Variants in RECK observed in about 807,000 individuals in gnomAD.
RECK encodes the protein reversion inducing cysteine rich protein with kazal motifs, also known as reversion-inducing cysteine-rich protein with Kazal motifs.
Under a neutral mutation model 115.1 loss-of-function variants are expected in RECK, and 69 were observed. That is an observed-to-expected ratio of 0.60 (90% CI 0.49 to 0.73). RECK has a LOEUF of 0.73. Among genes scored for constraint, RECK ranks in the 30% least tolerant of loss-of-function variants. The pLI, the probability that RECK is intolerant of heterozygous loss-of-function variation, is 0.00. For missense variants in RECK, 1,047 were observed against 1,203.7 expected (o/e 0.87, Z 1.93); for synonymous variants, 414 against 419.7 (o/e 0.99, Z 0.17).
At chr9:36,110,801 G>T (rs1342251104) in intron 15 of RECK, among the ~76,000 whole-genome samples, 1 of 151,888 alleles carries the variant, frequency 6.6e-6, no homozygotes, top group Non-Finnish European at 1.5e-5. Flanking sequence ...GTGGAGAGGG[G>T]TGGGGGCCGG....
rs367748916 is a variant in RECK, at chr9:36,066,832, G to A, written c.405+1208G>A. Reference sequence around the variant, plus strand: ...CTGGATTTCTGCATTGCCCTAGGAAGTCTGCCAGTATGTGTTGATGAAGGA... The same window carrying A: ...CTGGATTTCTGCATTGCCCTAGGAAATCTGCCAGTATGTGTTGATGAAGGA... On this transcript the variant is annotated intron_variant, in intron 6 of 20. Coordinates refer to ENST00000377966, the MANE Select transcript of RECK (RefSeq NM_021111.3). The A allele has an allele frequency of 1.2e-5, 16 of 1,289,492 alleles. No homozygotes were observed. The African/African-American group carries it at 2.3e-4, about 18-fold the overall frequency. The allele number at this position is 1,289,492 out of a possible 1,614,324, so 79.9% of individuals were successfully genotyped here.
chr9:36,061,086 A>G (rs895704070), intron 4 of RECK, among the ~76,000 whole-genome samples: 1 of 152,104 alleles, frequency 6.6e-6, no homozygotes, highest in East Asian at 1.9e-4. Flanking sequence ...GTTTCAACAC[A>G]TTATATCTTT....
chr9:36,091,256 T>G lies in RECK; in HGVS notation c.998T>G (p.Val333Gly). The stretch of plus-strand genomic sequence containing the variant: ...TTTTGTGAATATAATCCAGTGGAAG[T>G]GTCCATGTTGACCTGTTTAGCGGAT... ...DRFCEYNPVE[V>G]SMLTCLADVR... The change falls in exon 10 of 21, where the codon GTG (valine) becomes GGG (glycine). Residue 333 changes from valine to glycine, a missense_variant. Transcript: ENST00000377966. The G allele has an allele frequency of 6.2e-7, 1 of 1,613,674 alleles. No homozygotes were observed. Among genetic ancestry groups the G allele is most frequent in the South Asian group, 1.1e-5 (1 of 91,014 alleles).
chr9:36,092,440 C>T lies in RECK; in HGVS notation c.1085+1097C>T, dbSNP rs185772462. ...AGGCTGGAGTATAGTGGCATGATCTCGGCTCACTGCAACCTCCGCCTCCTG... is the reference window on the plus strand; with the variant it reads ...AGGCTGGAGTATAGTGGCATGATCTTGGCTCACTGCAACCTCCGCCTCCTG... On this transcript the variant is annotated intron_variant, in intron 10 of 20. Coordinates refer to ENST00000377966, the MANE Select transcript of RECK (RefSeq NM_021111.3). Among the ~76,000 whole-genome samples, 332 of 151,784 alleles carry T rather than the reference C, an allele frequency of 2.2e-3. 1 individual carries two copies. Among genetic ancestry groups the T allele is most frequent in the Middle Eastern group, 0.014 (4 of 294 alleles).
rs773371088 is a variant in RECK, at chr9:36,102,078, G to GC, written c.1299-15dup. 1 of 1,606,620 alleles carries GC rather than the reference G, an allele frequency of 6.2e-7. No individual in the cohort carries two copies. Among genetic ancestry groups the GC allele is most frequent in the East Asian group, 2.2e-5 (1 of 44,646 alleles). On this transcript the variant is annotated splice_polypyrimidine_tract_variant and intron_variant, in intron 11 of 20. Coordinates refer to ENST00000377966, the MANE Select transcript of RECK (RefSeq NM_021111.3). ...GGTTCCTCAAGCTCTAAACTTACGT[G>GC]CATTTTTTTTTCAAGATCAGATTGT...
chr9:36,058,244 A>G (rs1474598004), intron 2 of RECK, among the ~76,000 whole-genome samples: 1 of 152,060 alleles, frequency 6.6e-6, no homozygotes, highest in African/African-American at 2.4e-5. Context: ...AAAGACTTGG[A>G]ACCAACCCAG....
chr9:36,068,464 T>TG, intron 6 of RECK, among the ~76,000 whole-genome samples: 1 of 152,350 alleles, frequency 6.6e-6, no homozygotes, highest in East Asian at 1.9e-4. Flanking sequence ...GCTTGCTACC[T>TG]GGACCAGTCC....
chr9:36,083,296 T>C, intron 7 of RECK, 69 bp from the exon 8 acceptor site: 1 of 1,447,108 alleles, frequency 6.9e-7, no homozygotes, highest in East Asian at 2.3e-5. Flanking sequence ...TGTTCCATCA[T>C]TATGATGATG....
At chr9:36,059,724 A>G (rs1193715264) in intron 3 of RECK, among the ~76,000 whole-genome samples, 2 of 152,168 alleles carry the variant, frequency 1.3e-5, no homozygotes, top group African/African-American at 4.8e-5. Flanking sequence ...CATGTGCCAG[A>G]CCAAGAAAGT....
chr9:36,039,610 G>C (rs1820799674), intron 1 of RECK, among the ~76,000 whole-genome samples: 1 of 152,192 alleles, frequency 6.6e-6, no homozygotes, highest in Admixed American at 6.5e-5. Flanking sequence ...TGCAGTATCA[G>C]CATCGTGTGT....
chr9:36,089,268 G>T (rs1564122900), intron 9 of RECK, among the ~76,000 whole-genome samples: 3 of 152,128 alleles, frequency 2.0e-5, no homozygotes, highest in Non-Finnish European at 4.4e-5. Flanking sequence ...GTCACTAGAG[G>T]TTGGAATGGC....
chr9:36,109,609 CGAGG>C (rs1564133807), intron 14 of RECK, among the ~76,000 whole-genome samples: 2 of 152,094 alleles, frequency 1.3e-5, no homozygotes, highest in African/African-American at 4.8e-5. Flanking sequence ...TTTGGTAGGC[CGAGG>C]CAGGCAGATG....
chr9:36,116,705 C>G (rs1037826728), intron 16 of RECK, among the ~76,000 whole-genome samples: 4 of 152,228 alleles, frequency 2.6e-5, no homozygotes, highest in Non-Finnish European at 4.4e-5. Context: ...CTTTGCCCCC[C>G]CAGCCTCCAG....
intron 1 of RECK, among the ~76,000 whole-genome samples, chr9:36,042,067 C>T (rs1820888124): frequency 6.8e-6 from 1 of 148,046 alleles, no homozygotes; most frequent in African/African-American, 2.5e-5. Context: ...GATATTACTA[C>T]TTTTTTTTTT....
At chr9:36,074,953 A>G (rs1394564518) in intron 6 of RECK, among the ~76,000 whole-genome samples, 1 of 152,206 alleles carries the variant, frequency 6.6e-6, no homozygotes. Flanking sequence ...TCTGTCTACA[A>G]TCAGATGGCA....
chr9:36,063,991 AACTGCAAATTTAGCATTTTT>A, intron 5 of RECK, 111 bp downstream of exon 5: 2 of 975,294 alleles, frequency 2.1e-6, no homozygotes. Context: ...AACCCGTAAA[AACTGCAAATTTAGCATTTTT>A]TGTATAGACC....
In RECK at chr9:36,040,061, A is replaced by G. The variant is rs1820817401; in HGVS notation, c.100+2963A>G. Among the ~76,000 whole-genome samples, 6 of 151,086 alleles carry G rather than the reference A, an allele frequency of 4.0e-5. No homozygotes were observed. The South Asian group carries it at 1.3e-3, about 33-fold the overall frequency. ...ATAAATGTGGTTTTTAAAAGAACAA[A>G]AGAGATATTATGAGGTTTGTTTATC... On this transcript the variant is annotated intron_variant, in intron 1 of 20. Transcript: ENST00000377966.
At chr9:36,098,611 T>A (rs1045347185) in intron 10 of RECK, among the ~76,000 whole-genome samples, 2 of 152,120 alleles carry the variant, frequency 1.3e-5, no homozygotes, top group Non-Finnish European at 1.5e-5. Flanking sequence ...CCTGAAGCAT[T>A]TACCCAAGAG....
At chr9:36,087,019 G>C (rs954241731) in intron 8 of RECK, among the ~76,000 whole-genome samples, 3 of 152,078 alleles carry the variant, frequency 2.0e-5, no homozygotes. Context: ...TAGATACCTT[G>C]TCCACCTAAA....
Sources: gnomAD v4.1 joint callset for allele counts (sites outside exome capture counted in the v4.1 genomes callset) on GRCh38, gnomAD v4.1.1 for gene constraint, MANE v1.5 for transcripts, NCBI Gene and HGNC (gene_info 2026-07-23, HGNC 2026-07-21) for gene names.